GHR: variants seen among roughly 807,000 people sequenced by gnomAD.
GHR encodes the protein growth hormone receptor, also known as GH receptor.
In GHR, 35 loss-of-function variants were observed where a neutral mutation model predicts 67.1. The ratio of observed to expected loss-of-function variants is 0.52; its 90% CI spans 0.40 to 0.69. The LOEUF (loss-of-function observed/expected upper bound fraction) is 0.69, where lower values mean the gene tolerates loss of function less well. Among genes scored for constraint, GHR ranks in the 30% least tolerant of loss-of-function variants. The probability of loss-of-function intolerance (pLI) is 0.00; values close to 1 mark genes in which losing one functional copy is unlikely to be tolerated. For synonymous variants in GHR, 272 were observed against 269.1 expected (o/e 1.01, Z -0.10); for missense variants, 792 against 764.6 (o/e 1.04, Z -0.42).
chr5:42,697,721 T>C (rs1336522292), intron 5 of GHR, among the ~76,000 whole-genome samples: 6 of 152,086 alleles, frequency 3.9e-5, no homozygotes, highest in Non-Finnish European at 5.9e-5. Context: ...TGGCTTTCAC[T>C]TGGAGTGAGG....
intron 2 of GHR, among the ~76,000 whole-genome samples, chr5:42,575,645 A>G (rs533252234): frequency 6.6e-6 from 1 of 151,828 alleles, no homozygotes; most frequent in Non-Finnish European, 1.5e-5. Context: ...AAGTGCAGGT[A>G]AAGCTGGCTC....
At chr5:42,445,395 CA>C (rs370557120) in intron 1 of GHR, among the ~76,000 whole-genome samples, 2 of 152,110 alleles carry the variant, frequency 1.3e-5, no homozygotes, top group Admixed American at 6.6e-5. Flanking sequence ...GGAATTGTGC[CA>C]CCATCAAGTC....
intron 3 of GHR, among the ~76,000 whole-genome samples, chr5:42,681,488 G>A (rs959716538): frequency 3.3e-5 from 5 of 152,196 alleles, no homozygotes; most frequent in African/African-American, 1.2e-4. Flanking sequence ...GGAGAAATAG[G>A]AACGCTTTTA....
In GHR at chr5:42,686,384, A is replaced by T. The variant is rs193134144; in HGVS notation, c.137-2506A>T. On this transcript the variant is annotated intron_variant, in intron 3 of 9. Transcript: ENST00000230882. ...GTCAGAGACACAATAAAAAAAGAAA[A>T]TTTTAGACCAATATCCCTGATGAAC... Among the ~76,000 whole-genome samples the T allele has an allele frequency of 3.1e-3, 470 of 152,228 alleles. 1 individual carries two copies. Among genetic ancestry groups the T allele is most frequent in the African/African-American group, 0.011 (456 of 41,538 alleles).
At chr5:42,475,558 G>A (rs1745265894) in intron 1 of GHR, among the ~76,000 whole-genome samples, 1 of 151,592 alleles carries the variant, frequency 6.6e-6, no homozygotes, top group African/African-American at 2.4e-5. Context: ...CATTAAAGTG[G>A]TCATGCGCAT....
intron 2 of GHR, among the ~76,000 whole-genome samples, chr5:42,567,354 G>A (rs1379959056): frequency 6.6e-6 from 1 of 152,214 alleles, no homozygotes; most frequent in East Asian, 1.9e-4. Flanking sequence ...AAGTCTGCAA[G>A]GAGCATCTGT....
chr5:42,534,480 G>A (rs112345535), intron 1 of GHR, among the ~76,000 whole-genome samples: 2,766 of 140,164 alleles, frequency 0.02, 42 homozygotes, highest in Middle Eastern at 0.044. Context: ...ATATGTATAT[G>A]TGTATATATG....
intron 2 of GHR, among the ~76,000 whole-genome samples, chr5:42,581,738 C>T (rs1238030599): frequency 1.3e-5 from 2 of 152,138 alleles, no homozygotes; most frequent in Non-Finnish European, 2.9e-5. Context: ...TGTGGTTGTG[C>T]CCTCCACAGA....
chr5:42,450,835 CATT>C (rs1391367770), intron 1 of GHR, among the ~76,000 whole-genome samples: 2 of 152,058 alleles, frequency 1.3e-5, no homozygotes, highest in Non-Finnish European at 2.9e-5. Context: ...GTTTTGTCAT[CATT>C]ATCATTTTGA....
At chr5:42,619,592 T>C (rs1753337093) in intron 2 of GHR, 1 of 152,190 alleles carries the variant, frequency 6.6e-6, no homozygotes, top group Non-Finnish European at 1.5e-5. Flanking sequence ...ACTAGGACAG[T>C]GCCTGGCACA....
At chr5:42,505,653 G>A (rs1404288885) in intron 1 of GHR, among the ~76,000 whole-genome samples, 1 of 152,034 alleles carries the variant, frequency 6.6e-6, no homozygotes, top group Non-Finnish European at 1.5e-5. Context: ...GTGAGATTTC[G>A]CTTATCCTGT....
intron 2 of GHR, among the ~76,000 whole-genome samples, chr5:42,608,408 T>C (rs1752732114): frequency 6.6e-6 from 1 of 152,162 alleles, no homozygotes; most frequent in Admixed American, 6.5e-5. Flanking sequence ...CCATGAAATT[T>C]ATTTAGTAAC....
chr5:42,434,067 T>G (rs559965175), intron 1 of GHR, among the ~76,000 whole-genome samples: 1 of 152,272 alleles, frequency 6.6e-6, no homozygotes, highest in South Asian at 2.1e-4. Flanking sequence ...AAAACTTCTT[T>G]CTTAAACAAT....
chr5:42,500,235 G>A (rs927306157), intron 1 of GHR, among the ~76,000 whole-genome samples: 5 of 152,324 alleles, frequency 3.3e-5, no homozygotes, highest in Non-Finnish European at 7.3e-5. Context: ...TGTAGACAGT[G>A]GGCCCAGAAG....
chr5:42,627,722 A>G (rs951623029), intron 2 of GHR, among the ~76,000 whole-genome samples: 1 of 152,178 alleles, frequency 6.6e-6, no homozygotes, highest in African/African-American at 2.4e-5. Context: ...CTTAGCCCCG[A>G]GGTAGTGTCT....
At chr5:42,551,681 G>A (rs1009577473) in intron 1 of GHR, among the ~76,000 whole-genome samples, 8 of 152,174 alleles carry the variant, frequency 5.3e-5, no homozygotes, top group Admixed American at 5.2e-4. Context: ...ATCAGAAGCA[G>A]GTAGGAAATG....
intron 1 of GHR, among the ~76,000 whole-genome samples, chr5:42,557,426 A>G (rs562326350): frequency 5.3e-5 from 8 of 152,240 alleles, no homozygotes; most frequent in Non-Finnish European, 1.0e-4. Context: ...ATAGGAACAT[A>G]ATAAAACATA....
chr5:42,490,403 A>G (rs1353049764), intron 1 of GHR, among the ~76,000 whole-genome samples: 1 of 152,212 alleles, frequency 6.6e-6, no homozygotes, highest in Non-Finnish European at 1.5e-5. Flanking sequence ...AATCCACCTG[A>G]TTATCTCTGC....
chr5:42,702,868 T>TA (rs914688196), intron 6 of GHR, among the ~76,000 whole-genome samples: 4 of 152,052 alleles, frequency 2.6e-5, no homozygotes, highest in Non-Finnish European at 5.9e-5. Context: ...ATCTTCTTTT[T>TA]AAAAATTTAT....
Sources: allele counts gnomAD v4.1 joint callset (sites outside exome capture counted in the v4.1 genomes callset), GRCh38; gene constraint gnomAD v4.1.1; transcripts MANE v1.5; gene names NCBI Gene and HGNC (gene_info 2026-07-23, HGNC 2026-07-21).